Variants in GALNT17 observed in about 807,000 individuals in gnomAD.
GALNT17 encodes UDP-GalNAc:polypeptide N-acetylgalactosaminyltransferase-like 3.
A neutral mutation model predicts 63.7 loss-of-function variants in GALNT17; 29 were observed. The observed-to-expected ratio is 0.46, with a 90% CI of 0.34 to 0.62. GALNT17 has a LOEUF of 0.62. GALNT17 is among the 20% of genes least tolerant of loss of function. The probability of loss-of-function intolerance (pLI) is 0.01; values close to 1 mark genes in which losing one functional copy is unlikely to be tolerated. For synonymous variants in GALNT17, 305 were observed against 318.3 expected (o/e 0.96, Z 0.45); for missense variants, 603 against 799.6 (o/e 0.75, Z 2.97).
intron 5 of GALNT17, among the ~76,000 whole-genome samples, chr7:71,472,654 C>T (rs1787652112): frequency 6.6e-6 from 1 of 152,202 alleles, no homozygotes; most frequent in Non-Finnish European, 1.5e-5. Context: ...TCACTGCCCT[C>T]CAGCCTGGGG....
chr7:71,298,099 C>A (rs1791115868), intron 1 of GALNT17, among the ~76,000 whole-genome samples: 1 of 152,220 alleles, frequency 6.6e-6, no homozygotes, highest in Non-Finnish European at 1.5e-5. Flanking sequence ...TGGCTTACTG[C>A]AACCTCCGCC....
intron 1 of GALNT17, among the ~76,000 whole-genome samples, chr7:71,234,914 C>T (rs971621178): frequency 6.6e-6 from 1 of 152,100 alleles, no homozygotes; most frequent in Non-Finnish European, 1.5e-5. Flanking sequence ...CCTGCCTATG[C>T]AGAGGACGCT....
At position 71,673,155 on chromosome 7, in the gene GALNT17, G is replaced by C. The variant is rs1791096965; in HGVS notation, c.1404+3046G>C. On this transcript the variant is annotated intron_variant, in intron 8 of 10. Coordinates refer to ENST00000333538, the MANE Select transcript of GALNT17 (RefSeq NM_022479.3). ...CAATTTGAGCCACATGTATTAAAAA[G>C]CTTGATAATGACAGTCATAGTTTCT... Among the ~76,000 whole-genome samples the C allele has an allele frequency of 2.0e-5, 3 of 152,134 alleles. No individual in the cohort carries two copies. The South Asian group carries it at 6.2e-4, about 32-fold the overall frequency.
intron 3 of GALNT17, among the ~76,000 whole-genome samples, chr7:71,406,061 A>G (rs1238594047): frequency 6.6e-6 from 1 of 152,184 alleles, no homozygotes; most frequent in African/African-American, 2.4e-5. Flanking sequence ...AGTTTCCAAG[A>G]CAGCCCATTC....
chr7:71,266,163 C>T (rs777164636), intron 1 of GALNT17, among the ~76,000 whole-genome samples: 3 of 151,700 alleles, frequency 2.0e-5, no homozygotes, highest in Non-Finnish European at 4.4e-5. Context: ...TATAAGGACT[C>T]TTGTGATATC....
rs61447370 is a variant in GALNT17, at chr7:71,246,115, GTTTTTTTTTTTTT to G, written c.239-89423_239-89411del. On this transcript the variant is annotated intron_variant, in intron 1 of 10. Coordinates refer to ENST00000333538, the MANE Select transcript of GALNT17 (RefSeq NM_022479.3). ...TGATGGCCTCATAGCTTTTTTCGTTGTTTTTTTTTTTTTTTTTTTTTTTTGAGACAGAGGCTTG... is the reference window on the plus strand; with the variant it reads ...TGATGGCCTCATAGCTTTTTTCGTTGTTTTTTTTTTTGAGACAGAGGCTTG... Among the ~76,000 whole-genome samples, 14 of 92,004 alleles carry G rather than the reference GTTTTTTTTTTTTT, an allele frequency of 1.5e-4. No individual in the cohort carries two copies. In the East Asian group the frequency reaches 3.5e-3, roughly 23 times the overall value. 60.4% of individuals were successfully genotyped at this position (92,004 alleles called of 152,430 possible). A position where few individuals can be genotyped will look rare whatever the true frequency, so the allele number is the denominator to read the frequency against.
intron 3 of GALNT17, among the ~76,000 whole-genome samples, chr7:71,415,006 G>T (rs2906265): frequency 0.14 from 21,703 of 151,428 alleles, 1,911 homozygotes; most frequent in African/African-American, 0.26. Flanking sequence ...AATGCCTTTA[G>T]TTTTATTTAT....
At chr7:71,331,691 G>A (rs895360192) in intron 1 of GALNT17, among the ~76,000 whole-genome samples, 2 of 148,686 alleles carry the variant, frequency 1.3e-5, no homozygotes, top group African/African-American at 2.5e-5. Flanking sequence ...CTCCAGCCTG[G>A]GTGACAGAGT....
At position 71,693,301 on chromosome 7, in the gene GALNT17, C is replaced by CAT. The variant is rs1280771901; in HGVS notation, c.1500+15996_1500+15997insTA. 5.7e-3 allele frequency among the ~76,000 whole-genome samples: 469 copies of CAT among 82,504 alleles called. 7 individuals are homozygous for CAT. The highest frequency in any genetic ancestry group is 9.1e-3 in the African/African-American group (246 of 27,006). The allele number at this position is 82,504 out of a possible 152,430, so 54.1% of individuals were successfully genotyped here. On this transcript the variant is annotated intron_variant, in intron 9 of 10. Coordinates refer to ENST00000333538, the MANE Select transcript of GALNT17 (RefSeq NM_022479.3). ...ACACACACACACACACACACACACA[C>CAT]ACACACACATATATATATATGGAGA...
At chr7:71,397,228 C>G (rs1327096521) in intron 3 of GALNT17, among the ~76,000 whole-genome samples, 1 of 152,080 alleles carries the variant, frequency 6.6e-6, no homozygotes, top group Non-Finnish European at 1.5e-5. Flanking sequence ...TTTATAAAAG[C>G]CTCTTCTGGA....
At chr7:71,165,466 A>G (rs1262524289) in intron 1 of GALNT17, among the ~76,000 whole-genome samples, 1 of 112,736 alleles carries the variant, frequency 8.9e-6, no homozygotes, top group Non-Finnish European at 2.0e-5. Context: ...GGCGACAGAC[A>G]AGAGAAGAGA....
At chr7:71,265,465 G>T (rs1019607285) in intron 1 of GALNT17, among the ~76,000 whole-genome samples, 2 of 152,056 alleles carry the variant, frequency 1.3e-5, no homozygotes, top group South Asian at 4.1e-4. Context: ...TTTAATGTGA[G>T]AAATTCTTAA....
At chr7:71,637,011 T>G (rs1427713245) in intron 6 of GALNT17, among the ~76,000 whole-genome samples, 2 of 152,058 alleles carry the variant, frequency 1.3e-5, no homozygotes, top group Non-Finnish European at 2.9e-5. Context: ...TTAGAGCTAT[T>G]TTTTCTTTAA....
chr7:71,297,440 A>T (rs2115856184), intron 1 of GALNT17, among the ~76,000 whole-genome samples: 1 of 152,276 alleles, frequency 6.6e-6, no homozygotes, highest in Non-Finnish European at 1.5e-5. Flanking sequence ...GCTACTCAGG[A>T]GGCTGAGGTA....
chr7:71,525,256 A>G (rs1584025276), intron 5 of GALNT17, among the ~76,000 whole-genome samples: 1 of 151,768 alleles, frequency 6.6e-6, no homozygotes, highest in Non-Finnish European at 1.5e-5. Context: ...GCTCACTGCA[A>G]CCTCCGCCTC....
intron 9 of GALNT17, among the ~76,000 whole-genome samples, chr7:71,696,919 A>G (rs1039096998): frequency 6.6e-6 from 1 of 152,220 alleles, no homozygotes; most frequent in Non-Finnish European, 1.5e-5. Flanking sequence ...AGAAAAACCT[A>G]TAGCAAAGAA....
At chr7:71,479,793 T>C (rs1414249236) in intron 5 of GALNT17, among the ~76,000 whole-genome samples, 3 of 152,182 alleles carry the variant, frequency 2.0e-5, no homozygotes, top group Non-Finnish European at 2.9e-5. Flanking sequence ...GGAGCTGATA[T>C]TCTCAGGCAA....
chr7:71,679,643 T>A (rs1791207087), intron 9 of GALNT17, among the ~76,000 whole-genome samples: 1 of 151,928 alleles, frequency 6.6e-6, no homozygotes, highest in South Asian at 2.1e-4. Flanking sequence ...TGGCCGGAAC[T>A]TTGAATGCAA....
chr7:71,294,302 T>G (rs2115837432), intron 1 of GALNT17, among the ~76,000 whole-genome samples: 1 of 152,274 alleles, frequency 6.6e-6, no homozygotes, highest in African/African-American at 2.4e-5. Context: ...GTTTGAGAAC[T>G]TTTGGTTATT....
Sources: allele counts gnomAD v4.1 joint callset (sites outside exome capture counted in the v4.1 genomes callset), GRCh38; gene constraint gnomAD v4.1.1; transcripts MANE v1.5; gene names NCBI Gene and HGNC (gene_info 2026-07-23, HGNC 2026-07-21).